The following CAMTA1 variants were observed in gnomAD, a reference collection of about 807,000 sequenced individuals.
CAMTA1 encodes the protein calmodulin-binding transcription activator 1.
CAMTA1 carries 27 observed loss-of-function variants against 170.9 expected under a neutral mutation model. The ratio of observed to expected loss-of-function variants is 0.16; its 90% confidence interval spans 0.12 to 0.22. The LOEUF (loss-of-function observed/expected upper bound fraction) is 0.22. Among genes scored for constraint, CAMTA1 ranks in the 10% least tolerant of loss-of-function variants. The pLI, the probability that CAMTA1 is intolerant of heterozygous loss-of-function variation, is 1.00. For missense variants in CAMTA1, 1,619 were observed against 2,217.2 expected, an observed-to-expected ratio of 0.73 and a Z score of 5.42; for synonymous variants, 833 against 891.5, an observed-to-expected ratio of 0.93 and a Z score of 1.17.
chr1:7,639,545 G>A (rs1433768152), intron 6 of CAMTA1, among the ~76,000 whole-genome samples: 1 of 152,134 alleles, frequency 6.6e-6, no homozygotes, highest in Non-Finnish European at 1.5e-5. Context: ...GGCTGAGGTG[G>A]GCGGATTGCT....
intron 5 of CAMTA1, among the ~76,000 whole-genome samples, chr1:7,420,186 G>A (rs758566861): frequency 2.4e-4 from 36 of 151,988 alleles, no homozygotes; most frequent in South Asian, 4.2e-4. Context: ...TCACACTCAC[G>A]AGCCCATCCA....
At chr1:6,941,185 C>T (rs1403556402) in intron 3 of CAMTA1, among the ~76,000 whole-genome samples, 1 of 152,090 alleles carries the variant, frequency 6.6e-6, no homozygotes, top group African/African-American at 2.4e-5. Flanking sequence ...TGAAGATCCC[C>T]ATAGCTCTCA....
chr1:7,304,569 C>T (rs1349822338), intron 5 of CAMTA1, among the ~76,000 whole-genome samples: 1 of 151,022 alleles, frequency 6.6e-6, no homozygotes, highest in East Asian at 2.0e-4. Flanking sequence ...TTTCCTCAAG[C>T]CCTTATCAAA....
At chr1:7,640,326 C>T (rs751275090) in intron 6 of CAMTA1, 74 bp from the exon 7 acceptor site, 94 of 1,547,442 alleles carry the variant, frequency 6.1e-5, no homozygotes, top group Non-Finnish European at 7.8e-5. Flanking sequence ...CCTGCACCTG[C>T]GGGGTTGGGG....
At chr1:7,058,119 C>T (rs934980583) in intron 3 of CAMTA1, among the ~76,000 whole-genome samples, 1 of 152,148 alleles carries the variant, frequency 6.6e-6, no homozygotes, top group Admixed American at 6.6e-5. Flanking sequence ...TGGCTATGGC[C>T]CTGCCAGACA....
chr1:7,159,702 C>A (rs1207091507), intron 4 of CAMTA1, among the ~76,000 whole-genome samples: 1 of 152,048 alleles, frequency 6.6e-6, no homozygotes, highest in African/African-American at 2.4e-5. Context: ...CAGGATCATA[C>A]CTGGCTAATT....
chr1:7,172,692 CTGA>C (rs756436049), intron 4 of CAMTA1, among the ~76,000 whole-genome samples: 30 of 152,202 alleles, frequency 2.0e-4, no homozygotes, highest in Admixed American at 5.2e-4. Context: ...CTCAGCCAGC[CTGA>C]TGTTTTCATT....
chr1:7,733,284 T>C (rs1244485376), intron 12 of CAMTA1, among the ~76,000 whole-genome samples: 1 of 152,234 alleles, frequency 6.6e-6, no homozygotes, highest in Non-Finnish European at 1.5e-5. Context: ...CTTCCTACTT[T>C]CTATTCTGTA....
rs1445205476 is a variant in CAMTA1 at position 7,010,304 on chromosome 1, C to T, written c.235-81000C>T. ...GCTCCTGGGCCGCCCCCTCACTCGG[C>T]GTCCAGTGCTCAGGCCTCTGGGCTC... On this transcript the variant is annotated intron_variant, in intron 3 of 22. Transcript: ENST00000303635. This position sits in a 1 kb window ranked among gnomAD's most constrained non-coding sequence, Gnocchi z 4.4. Among the ~76,000 whole-genome samples, 2 of 152,146 alleles carry T rather than the reference C, an allele frequency of 1.3e-5. No homozygotes were observed. Among genetic ancestry groups the T allele is most frequent in the African/African-American group, 2.4e-5 (1 of 41,436 alleles).
chr1:7,310,753 G>T (rs1676602003), intron 5 of CAMTA1, among the ~76,000 whole-genome samples: 5 of 126,792 alleles, frequency 3.9e-5, no homozygotes, highest in East Asian at 2.4e-4. Flanking sequence ...TTTTTTTTAA[G>T]ACAGTCTTGC....
intron 3 of CAMTA1, among the ~76,000 whole-genome samples, chr1:6,953,443 A>G (rs1688865518): frequency 6.6e-6 from 1 of 152,200 alleles, no homozygotes; most frequent in Non-Finnish European, 1.5e-5. Context: ...TCCTTTCACC[A>G]TCATACCCGG....
At chr1:7,474,592 A>C (rs1009067951) in intron 6 of CAMTA1, among the ~76,000 whole-genome samples, 1 of 151,798 alleles carries the variant, frequency 6.6e-6, no homozygotes, top group Non-Finnish European at 1.5e-5. Context: ...CTAGCATCCC[A>C]CCTCTGCATT....
intron 3 of CAMTA1, among the ~76,000 whole-genome samples, chr1:6,833,666 T>G (rs188077986): frequency 6.6e-6 from 1 of 152,300 alleles, no homozygotes. Context: ...AAATACATCA[T>G]TTAGTTTTAA....
intron 6 of CAMTA1, among the ~76,000 whole-genome samples, chr1:7,516,893 G>A (rs1269641906): frequency 6.6e-6 from 1 of 152,114 alleles, no homozygotes; most frequent in Non-Finnish European, 1.5e-5. Context: ...TAGCTCTATT[G>A]TTATTTCTCA....
At chr1:7,128,831 C>CTTTTTTTTTTTT (rs34180837) in intron 4 of CAMTA1, among the ~76,000 whole-genome samples, 1 of 61,320 alleles carries the variant, frequency 1.6e-5, no homozygotes, top group Non-Finnish European at 2.9e-5. Context: ...GCTCCCCCTC[C>CTTTTTTTTTTTT]TTTTTTTTTT....
rs57358691 is a variant in CAMTA1 at position 7,144,236 on chromosome 1, A to AGTGT, written c.302+52878_302+52881dup. The stretch of plus-strand genomic sequence containing the variant: ...CTATGTCCTCAGATGGCCTTTTCTA[A>AGTGT]GTGTGTGTGTGTGTGTATGTGTGTG... On this transcript the variant is annotated intron_variant, in intron 4 of 22. Transcript: ENST00000303635. The surrounding 1 kb of genome is among the most constrained non-coding windows in gnomAD (Gnocchi z 4.0). Among the ~76,000 whole-genome samples the AGTGT allele has an allele frequency of 0.01, 1,547 of 150,498 alleles. 15 individuals carry two copies. The highest frequency in any genetic ancestry group is 0.015 in the Non-Finnish European group (994 of 67,512).
intron 4 of CAMTA1, among the ~76,000 whole-genome samples, chr1:7,100,757 G>A (rs1642618717): frequency 6.6e-6 from 1 of 152,196 alleles, no homozygotes; most frequent in African/African-American, 2.4e-5. Context: ...CAGGGGCGTG[G>A]TGTGGCCTCT....
At position 7,732,347 on chromosome 1, in the gene CAMTA1, C is replaced by T; in HGVS notation, c.2915-101C>T. On this transcript the variant is annotated intron_variant, in intron 11 of 22. Transcript: ENST00000303635. The surrounding 1 kb of genome is among the most constrained non-coding windows in gnomAD (Gnocchi z 4.1). ...AGACCTCTCTGGTTTGGTGAAGTTA[C>T]GGACGGCATTTGGATGCTGGTCCCG... The T allele has an allele frequency of 9.2e-6, 9 of 975,934 alleles. No individual in the cohort carries two copies. Among genetic ancestry groups the T allele is most frequent in the South Asian group, 1.4e-5 (1 of 69,582 alleles). The allele number at this position is 975,934 out of a possible 1,614,324, so 60.5% of individuals were successfully genotyped here.
chr1:6,962,554 C>T (rs1690646330), intron 3 of CAMTA1, among the ~76,000 whole-genome samples: 1 of 151,056 alleles, frequency 6.6e-6, no homozygotes, highest in Non-Finnish European at 1.5e-5. Flanking sequence ...CCCATCTTGC[C>T]CCGCCCACAT....
Sources: allele counts gnomAD v4.1 joint callset (sites outside exome capture counted in the v4.1 genomes callset), GRCh38; gene constraint gnomAD v4.1.1; non-coding constraint Gnocchi (gnomAD v3.1); transcripts MANE v1.5; gene names NCBI Gene and HGNC (gene_info 2026-07-23, HGNC 2026-07-21).